The following PLAC8L1 variants were observed in gnomAD, a reference collection of about 807,000 sequenced individuals.
PLAC8L1 encodes the protein PLAC8 like 1.
Under a neutral mutation model 16.3 loss-of-function variants are expected in PLAC8L1, and 13 were observed. The observed-to-expected ratio is 0.80, with a 90% CI of 0.52 to 1.27. The LOEUF (loss-of-function observed/expected upper bound fraction) is 1.27. Among genes scored for constraint, PLAC8L1 ranks in the 50% most tolerant of loss-of-function variants. The pLI, the probability that PLAC8L1 is intolerant of heterozygous loss-of-function variation, is 0.00. For synonymous variants in PLAC8L1, 78 were observed against 79.3 expected, an observed-to-expected ratio of 0.98 and a Z score of 0.09; for missense variants, 184 against 220.2, an observed-to-expected ratio of 0.84 and a Z score of 1.04.
intron 3 of PLAC8L1, 42 bp from the exon 4 acceptor site, chr5:146,084,614 C>T: frequency 1.2e-6 from 2 of 1,607,668 alleles, no homozygotes; most frequent in East Asian, 4.5e-5. Context: ...GTCACACAGG[C>T]TCATTTTTCT....
At chr5:146,094,083 C>A (rs1763671460) in intron 2 of PLAC8L1, among the ~76,000 whole-genome samples, 1 of 151,874 alleles carries the variant, frequency 6.6e-6, no homozygotes, top group Non-Finnish European at 1.5e-5. Flanking sequence ...TGTTTTGTTT[C>A]TTTTGTTTTG....
At chr5:146,094,253 T>A (rs1336168578) in intron 2 of PLAC8L1, among the ~76,000 whole-genome samples, 2 of 152,144 alleles carry the variant, frequency 1.3e-5, no homozygotes, top group African/African-American at 4.8e-5. Flanking sequence ...CAGCTAATTT[T>A]GTATTTTCAG....
At chr5:146,087,526 T>G (rs983332952) in intron 2 of PLAC8L1, among the ~76,000 whole-genome samples, 2 of 152,210 alleles carry the variant, frequency 1.3e-5, no homozygotes, top group Non-Finnish European at 2.9e-5. Flanking sequence ...ATTTATGTAT[T>G]GATTGATTTT....
At chr5:146,103,991 C>G (rs1763866711) in intron 1 of PLAC8L1, 2 of 985,410 alleles carry the variant, frequency 2.0e-6, no homozygotes, top group Non-Finnish European at 2.4e-6. Flanking sequence ...TTCACCCAAG[C>G]CAGCCCTTTT....
intron 1 of PLAC8L1, among the ~76,000 whole-genome samples, chr5:146,100,169 C>T (rs918110126): frequency 6.6e-5 from 10 of 151,876 alleles, no homozygotes; most frequent in African/African-American, 2.4e-4. Flanking sequence ...GCAAGAGAGA[C>T]GGCAAAAAGT....
chr5:146,084,633 G>T, intron 3 of PLAC8L1, 61 bp from the exon 4 acceptor site: 1 of 1,593,874 alleles, frequency 6.3e-7, no homozygotes, highest in Non-Finnish European at 8.5e-7. Context: ...CTTCCCCAGG[G>T]TCCTGTACAA....
Position 146,100,170 on chromosome 5 carries a change from G to A in PLAC8L1, c.120-1878C>T, listed in dbSNP as rs1763790251. Among the ~76,000 whole-genome samples the A allele has an allele frequency of 2.0e-5, 3 of 152,202 alleles. No homozygotes were observed. The South Asian group carries it at 6.2e-4, about 32-fold the overall frequency. On this transcript the variant is annotated intron_variant, in intron 1 of 3. Transcript: ENST00000311450. ...GTGGCGATGTCAACGCAAGAGAGAC[G>A]GCAAAAAGTAGAAAAATAGGAGAAT...
chr5:146,098,137 A>G lies in PLAC8L1; in HGVS notation c.256+19T>C. 6.2e-7 allele frequency: 1 copy of G among 1,602,482 alleles called. No homozygotes were observed. The highest frequency in any genetic ancestry group is 8.5e-7 in the Non-Finnish European group (1 of 1,172,112). On this transcript the variant is annotated intron_variant, in intron 2 of 3. Coordinates refer to ENST00000311450, the MANE Select transcript of PLAC8L1 (RefSeq NM_001029869.3). ...AAGAAAATAGTAAGGAGGAACTTAA[A>G]TAAGGAGGAAAAACTTACAAATTCT... is the stretch of plus-strand genomic sequence containing the variant.
Position 146,104,251 on chromosome 5 carries a change from A to G in PLAC8L1, c.61T>C (p.Tyr21His). ...GACATGTGTGACAACAGAGGTGAGT[A>G]TATGTTGAGTAAGGAAAGATCCTCA... Reference protein sequence around the residue: ...CPEDLSLLNIYSPLLSHMSSE... With the variant: ...CPEDLSLLNIHSPLLSHMSSE... Residue 21 changes from tyrosine (Y) to histidine (H), a missense_variant, in exon 1 of 4, where the codon TAC becomes CAC. Physicochemically the swap from Tyr to His is moderately conservative, Grantham distance 83 (BLOSUM62 2). Coordinates refer to ENST00000311450, the MANE Select transcript of PLAC8L1 (RefSeq NM_001029869.3). The G allele has an allele frequency of 6.2e-7, 1 of 1,613,946 alleles. No individual in the cohort carries two copies. The highest frequency in any genetic ancestry group is 8.5e-7 in the Non-Finnish European group (1 of 1,179,834).
Position 146,104,974 on chromosome 5 carries a change from G to A in PLAC8L1, c.-663C>T, listed in dbSNP as rs1009531432. 5.3e-5 allele frequency among the ~76,000 whole-genome samples: 8 copies of A among 152,122 alleles called. No individual in the cohort carries two copies. The highest frequency in any genetic ancestry group is 1.9e-4 in the East Asian group (1 of 5,190). ...CATTTCTTTCCTACCCAGTCCAGAC[G>A]GAATCTAGTAACTGAAGCAAGGCTT... On this transcript the variant is annotated 5_prime_UTR_variant, in exon 1 of 4. Coordinates refer to ENST00000311450, the MANE Select transcript of PLAC8L1 (RefSeq NM_001029869.3).
At chr5:146,101,537 G>GT (rs1763817442) in intron 1 of PLAC8L1, among the ~76,000 whole-genome samples, 1 of 152,182 alleles carries the variant, frequency 6.6e-6, no homozygotes, top group Non-Finnish European at 1.5e-5. Flanking sequence ...GGCATATGCT[G>GT]TTCCTCCCTG....
intron 1 of PLAC8L1, among the ~76,000 whole-genome samples, chr5:146,100,472 C>T (rs1475393241): frequency 1.3e-5 from 2 of 149,476 alleles, no homozygotes; most frequent in Non-Finnish European, 3.0e-5. Flanking sequence ...TAAATTAATG[C>T]TCAATTAAAC....
At chr5:146,089,130 G>A (rs973168577) in intron 2 of PLAC8L1, among the ~76,000 whole-genome samples, 3 of 152,026 alleles carry the variant, frequency 2.0e-5, no homozygotes, top group Non-Finnish European at 2.9e-5. Flanking sequence ...AAGTGCATTT[G>A]AACTCTTGCA....
chr5:146,102,565 A>G (rs965870660), intron 1 of PLAC8L1, among the ~76,000 whole-genome samples: 2 of 152,146 alleles, frequency 1.3e-5, no homozygotes, highest in East Asian at 1.9e-4. Flanking sequence ...GCTTTTCTAC[A>G]TATTACGCCC....
chr5:146,088,170 C>T (rs759264242), intron 2 of PLAC8L1, among the ~76,000 whole-genome samples: 2 of 152,158 alleles, frequency 1.3e-5, no homozygotes, highest in South Asian at 2.1e-4. Flanking sequence ...ATGGGGTCTC[C>T]GTATGTTGCT....
At chr5:146,090,511 G>A (rs996227589) in intron 2 of PLAC8L1, among the ~76,000 whole-genome samples, 2 of 150,842 alleles carry the variant, frequency 1.3e-5, no homozygotes, top group African/African-American at 4.9e-5. Context: ...CTCCAGGCTG[G>A]GCAAAGGAAT....
intron 2 of PLAC8L1, among the ~76,000 whole-genome samples, chr5:146,096,371 T>G (rs1013841051): frequency 6.6e-6 from 1 of 152,218 alleles, no homozygotes; most frequent in African/African-American, 2.4e-5. Flanking sequence ...GATTTTAAAG[T>G]GACACTACTC....
In PLAC8L1 at chr5:146,104,390, C is replaced by A; in HGVS notation, c.-79G>T. 1 of 1,099,560 alleles carries A rather than the reference C, an allele frequency of 9.1e-7. No homozygotes were observed. The highest frequency in any genetic ancestry group is 1.4e-6 in the Non-Finnish European group (1 of 719,350). 68.1% of individuals were successfully genotyped at this position (1,099,560 alleles called of 1,614,324 possible). A position where few individuals can be genotyped will look rare whatever the true frequency, so the allele number is the denominator to read the frequency against. On this transcript the variant is annotated 5_prime_UTR_variant, in exon 1 of 4. Transcript: ENST00000311450. Reference sequence around the variant, plus strand: ...GCTGGTTTCTAAACTTCGGATTAGTCCAAAGTGAAACATCTCTTGAAAGAA... The same window carrying A: ...GCTGGTTTCTAAACTTCGGATTAGTACAAAGTGAAACATCTCTTGAAAGAA...
chr5:146,100,531 C>T (rs1384164460), intron 1 of PLAC8L1, among the ~76,000 whole-genome samples: 2 of 152,088 alleles, frequency 1.3e-5, no homozygotes, highest in Admixed American at 6.5e-5. Context: ...TTAGAATTCA[C>T]AAATATTTAA....
Sources: gnomAD v4.1 joint callset for allele counts (sites outside exome capture counted in the v4.1 genomes callset) on GRCh38, gnomAD v4.1.1 for gene constraint, MANE v1.5 for transcripts, NCBI Gene and HGNC (gene_info 2026-07-23, HGNC 2026-07-21) for gene names.